The following DLG2 variants were observed in gnomAD, a reference collection of about 807,000 sequenced individuals.
DLG2 encodes the protein discs large MAGUK scaffold protein 2.
In DLG2, 45 loss-of-function variants were observed where a neutral mutation model predicts 132.5. The ratio of observed to expected loss-of-function variants is 0.34; its 90% confidence interval spans 0.27 to 0.44. The LOEUF is 0.44. Ranked by LOEUF, DLG2 falls within the 20% of genes least tolerant of loss-of-function variation. The pLI is 1.00. For synonymous variants in DLG2, 424 were observed against 419.6 expected, an observed-to-expected ratio of 1.01 and a Z score of -0.13; for missense variants, 1,045 against 1,196.9, an observed-to-expected ratio of 0.87 and a Z score of 1.87.
chr11:85,417,747 A>G (rs552097740), intron 3 of DLG2, among the ~76,000 whole-genome samples: 2 of 152,246 alleles, frequency 1.3e-5, no homozygotes, highest in East Asian at 3.9e-4. Context: ...TGTTTACAGT[A>G]TTCTCTGATG....
intron 4 of DLG2, among the ~76,000 whole-genome samples, chr11:85,240,464 C>A (rs1190133404): frequency 6.6e-6 from 1 of 151,646 alleles, no homozygotes; most frequent in Non-Finnish European, 1.5e-5. Flanking sequence ...ATGGTTAGCT[C>A]TTTTTATATT....
At chr11:84,860,742 G>A (rs955587463) in intron 6 of DLG2, among the ~76,000 whole-genome samples, 2 of 151,600 alleles carry the variant, frequency 1.3e-5, no homozygotes, top group Admixed American at 1.3e-4. Context: ...CTAATGTTTT[G>A]GAATATTATG....
At chr11:83,763,007 G>T (rs898288885) in intron 18 of DLG2, among the ~76,000 whole-genome samples, 1 of 152,104 alleles carries the variant, frequency 6.6e-6, no homozygotes, top group Non-Finnish European at 1.5e-5. Context: ...CTGCCAGGTT[G>T]GCTTTTTGAG....
At chr11:84,806,749 A>G (rs2076044696) in intron 6 of DLG2, among the ~76,000 whole-genome samples, 1 of 152,142 alleles carries the variant, frequency 6.6e-6, no homozygotes, top group Non-Finnish European at 1.5e-5. Flanking sequence ...AAAAATAATG[A>G]TAAGAAAAAG....
At chr11:84,322,952 C>T (rs1479725815) in intron 7 of DLG2, among the ~76,000 whole-genome samples, 1 of 152,038 alleles carries the variant, frequency 6.6e-6, no homozygotes. Flanking sequence ...AATATCTCCT[C>T]TAATTCCCTC....
intron 3 of DLG2, among the ~76,000 whole-genome samples, chr11:85,408,239 G>C (rs994115385): frequency 2.0e-5 from 3 of 149,362 alleles, no homozygotes; most frequent in Non-Finnish European, 3.0e-5. Flanking sequence ...TCAAAATACA[G>C]AGTTTAATCA....
intron 6 of DLG2, among the ~76,000 whole-genome samples, chr11:84,999,474 C>G (rs767791738): frequency 3.9e-5 from 6 of 151,984 alleles, no homozygotes; most frequent in Admixed American, 3.9e-4. Context: ...CATCACTTGA[C>G]GTATGATTTG....
intron 6 of DLG2, among the ~76,000 whole-genome samples, chr11:85,071,682 C>T (rs2065889908): frequency 6.6e-6 from 1 of 151,622 alleles, no homozygotes; most frequent in Admixed American, 6.6e-5. Flanking sequence ...AAAATTCAAA[C>T]ATAAACTGAT....
At chr11:83,931,556 T>A (rs553466234) in intron 14 of DLG2, among the ~76,000 whole-genome samples, 3 of 152,220 alleles carry the variant, frequency 2.0e-5, no homozygotes, top group Admixed American at 2.0e-4. Context: ...AATGGAGATC[T>A]TTTAAAAATT....
intron 8 of DLG2, among the ~76,000 whole-genome samples, chr11:84,206,861 C>T (rs925209426): frequency 1.3e-5 from 2 of 151,824 alleles, no homozygotes; most frequent in African/African-American, 4.8e-5. Context: ...AAACCTCCCC[C>T]AAATCTAAAA....
rs567968428 is a variant in DLG2 at position 84,699,850 on chromosome 11, T to A, written c.358-165119A>T. Among the ~76,000 whole-genome samples the A allele has an allele frequency of 1.2e-4, 18 of 151,728 alleles. 1 individual carries two copies. The East Asian group carries it at 2.7e-3, about 23-fold the overall frequency. ...CAAGAAGGCAAACCTCATGCACTCA[T>A]GAAAGCAGTAAACAGGCTATGTTTG... On this transcript the variant is annotated intron_variant, in intron 6 of 27. Transcript: ENST00000376104.
intron 6 of DLG2, among the ~76,000 whole-genome samples, chr11:84,874,791 C>T (rs368773109): frequency 2.0e-5 from 3 of 151,946 alleles, no homozygotes; most frequent in African/African-American, 7.3e-5. Context: ...GAGGCCGAGG[C>T]GAGCTGATTA....
At chr11:85,116,533 T>C (rs2073610143) in intron 5 of DLG2, among the ~76,000 whole-genome samples, 1 of 152,036 alleles carries the variant, frequency 6.6e-6, no homozygotes, top group African/African-American at 2.4e-5. Context: ...TACAGGTGTG[T>C]ATTAAAAAAT....
chr11:83,766,819 C>A (rs2094166399), intron 18 of DLG2, among the ~76,000 whole-genome samples: 1 of 152,152 alleles, frequency 6.6e-6, no homozygotes, highest in African/African-American at 2.4e-5. Context: ...CTCACAGCAA[C>A]ATACATTTAT....
At chr11:84,060,722 C>T (rs2096578204) in intron 10 of DLG2, among the ~76,000 whole-genome samples, 2 of 152,106 alleles carry the variant, frequency 1.3e-5, no homozygotes, top group Admixed American at 1.3e-4. Context: ...TTCTTTCCCT[C>T]ACTCTGTATA....
chr11:84,207,404 A>C (rs1402528159), intron 8 of DLG2, among the ~76,000 whole-genome samples: 1 of 152,120 alleles, frequency 6.6e-6, no homozygotes, highest in African/African-American at 2.4e-5. Context: ...TTATAAAGCT[A>C]TACTTACTAA....
At chr11:84,328,852 T>G (rs970899827) in intron 7 of DLG2, among the ~76,000 whole-genome samples, 1 of 152,206 alleles carries the variant, frequency 6.6e-6, no homozygotes, top group Admixed American at 6.5e-5. Context: ...CAATTCACAT[T>G]TAATTAACCA....
intron 6 of DLG2, among the ~76,000 whole-genome samples, chr11:84,753,546 T>C (rs1255158263): frequency 6.6e-6 from 1 of 152,164 alleles, no homozygotes; most frequent in Non-Finnish European, 1.5e-5. Flanking sequence ...ATCCTAAAGC[T>C]GAGGGAAATG....
At chr11:85,521,906 A>G (rs574897424) in intron 3 of DLG2, among the ~76,000 whole-genome samples, 2 of 152,308 alleles carry the variant, frequency 1.3e-5, no homozygotes, top group East Asian at 1.9e-4. Context: ...GCAGAACATA[A>G]AAGTTTGGAG....
Sources: gnomAD v4.1 joint callset for allele counts (sites outside exome capture counted in the v4.1 genomes callset) on GRCh38, gnomAD v4.1.1 for gene constraint, MANE v1.5 for transcripts, NCBI Gene and HGNC (gene_info 2026-07-23, HGNC 2026-07-21) for gene names.